Variants in STK32A observed in about 807,000 individuals in gnomAD.
STK32A encodes the protein serine/threonine kinase 32A, also known as serine/threonine-protein kinase 32A.
STK32A carries 41 observed loss-of-function variants against 53.2 expected under a neutral mutation model. The observed-to-expected ratio is 0.77, with a 90% CI of 0.60 to 1.00. The LOEUF (loss-of-function observed/expected upper bound fraction) is 1.00. Among genes scored for constraint, STK32A ranks in the 50% least tolerant of loss-of-function variants. STK32A has a pLI of 0.00. For missense variants in STK32A, 458 were observed against 485.8 expected (o/e 0.94, Z 0.54); for synonymous variants, 166 against 162.8 (o/e 1.02, Z -0.15).
intron 7 of STK32A, among the ~76,000 whole-genome samples, chr5:147,354,676 A>G (rs1756137752): frequency 6.6e-6 from 1 of 152,230 alleles, no homozygotes; most frequent in South Asian, 2.1e-4. Context: ...CTACTTTATA[A>G]TGAGAAAAAT....
At chr5:147,335,450 C>T (rs764984799) in intron 5 of STK32A, among the ~76,000 whole-genome samples, 4 of 152,174 alleles carry the variant, frequency 2.6e-5, no homozygotes, top group Non-Finnish European at 5.9e-5. Context: ...ACTCTCTTCT[C>T]TCTTTTCCAT....
At chr5:147,280,339 G>C (rs890125685) in intron 4 of STK32A, among the ~76,000 whole-genome samples, 1 of 151,182 alleles carries the variant, frequency 6.6e-6, no homozygotes, top group African/African-American at 2.4e-5. Flanking sequence ...AGCTGGGAGC[G>C]GGGAGCCTGG....
chr5:147,317,285 C>G (rs1358127760), intron 4 of STK32A, among the ~76,000 whole-genome samples: 1 of 148,420 alleles, frequency 6.7e-6, no homozygotes, highest in African/African-American at 2.5e-5. Flanking sequence ...TGTGAAAATA[C>G]TACAGCAAAC....
At chr5:147,396,731 G>A in the STK32A span, among the ~76,000 whole-genome samples, 1 of 152,044 alleles carries the variant, frequency 6.6e-6, no homozygotes, top group East Asian at 1.9e-4. Context: ...TAGAAATAAA[G>A]GGTCAATATT....
At chr5:147,401,856 T>C in the STK32A span, 1 of 752,572 alleles carries the variant, frequency 1.3e-6, no homozygotes, top group Non-Finnish European at 2.0e-6. Context: ...GCCCCTGCTT[T>C]CCTATCTGCT....
At chr5:147,286,139 T>C (rs1034336858) in intron 4 of STK32A, among the ~76,000 whole-genome samples, 2 of 152,102 alleles carry the variant, frequency 1.3e-5, no homozygotes, top group African/African-American at 2.4e-5. Context: ...CTGGATGAGA[T>C]TGGAGACTAT....
intron 11 of STK32A, among the ~76,000 whole-genome samples, chr5:147,376,232 G>C (rs1757225288): frequency 6.6e-6 from 1 of 152,116 alleles, no homozygotes; most frequent in Non-Finnish European, 1.5e-5. Context: ...TGTCCTGTTT[G>C]ATCACAGAAC....
intron 4 of STK32A, 52 bp downstream of exon 4, chr5:147,279,450 C>A: frequency 3.3e-6 from 5 of 1,507,446 alleles, no homozygotes; most frequent in Non-Finnish European, 4.5e-6. Context: ...TATCGGTGGG[C>A]TAGGGGAGGT....
At chr5:147,312,763 C>T (rs1581077056) in intron 4 of STK32A, among the ~76,000 whole-genome samples, 2 of 152,164 alleles carry the variant, frequency 1.3e-5, no homozygotes, top group East Asian at 1.9e-4. Context: ...TAGGCACTGA[C>T]GTACTGCTGG....
At chr5:147,273,400 A>C (rs1755128915) in intron 2 of STK32A, among the ~76,000 whole-genome samples, 1 of 152,202 alleles carries the variant, frequency 6.6e-6, no homozygotes, top group Non-Finnish European at 1.5e-5. Flanking sequence ...CTATAAAAAT[A>C]GTGGTTAAGA....
chr5:147,366,481 C>T (rs1250030718), intron 8 of STK32A, among the ~76,000 whole-genome samples: 1 of 152,118 alleles, frequency 6.6e-6, no homozygotes, highest in Non-Finnish European at 1.5e-5. Context: ...TTCTAGATCT[C>T]TTTATATTCA....
At chr5:147,244,782 AG>A (rs1753714371) in intron 2 of STK32A, among the ~76,000 whole-genome samples, 1 of 152,218 alleles carries the variant, frequency 6.6e-6, no homozygotes, top group African/African-American at 2.4e-5. Flanking sequence ...TGTAAAATGC[AG>A]GTAATAATTG....
chr5:147,272,550 A>G (rs1164764549), intron 2 of STK32A, among the ~76,000 whole-genome samples: 3 of 152,220 alleles, frequency 2.0e-5, no homozygotes, highest in Non-Finnish European at 1.5e-5. Context: ...GTATGCTCCT[A>G]TTGGAATGAT....
intron 4 of STK32A, among the ~76,000 whole-genome samples, chr5:147,314,791 G>A (rs1753910820): frequency 6.7e-6 from 1 of 149,250 alleles, no homozygotes; most frequent in South Asian, 2.1e-4. Context: ...AGGCTGGAGT[G>A]CAGTGTGTGT....
At chr5:147,401,140 A>G in the STK32A span, among the ~76,000 whole-genome samples, 1 of 152,174 alleles carries the variant, frequency 6.6e-6, no homozygotes, top group Admixed American at 6.5e-5. Context: ...TCTCCCTATA[A>G]TTTTGATTGT....
chr5:147,339,507 T>C (rs938552445), intron 5 of STK32A, among the ~76,000 whole-genome samples: 2 of 152,222 alleles, frequency 1.3e-5, no homozygotes, highest in African/African-American at 4.8e-5. Context: ...CACCACCTAG[T>C]GGAGCTGTGA....
At chr5:147,326,390 T>C (rs1455561289) in intron 5 of STK32A, among the ~76,000 whole-genome samples, 1 of 152,160 alleles carries the variant, frequency 6.6e-6, no homozygotes, top group Admixed American at 6.6e-5. Flanking sequence ...TAAATTGAGG[T>C]GACATCCTTC....
At chr5:147,345,359 T>G (rs892460853) in intron 6 of STK32A, among the ~76,000 whole-genome samples, 2 of 152,172 alleles carry the variant, frequency 1.3e-5, no homozygotes, top group Non-Finnish European at 2.9e-5. Context: ...AATCACTCAA[T>G]AAAAGTCTAA....
rs559537020 is a variant in STK32A, at chr5:147,384,313, TTTTTA to T, written c.*336_*340del. Reference sequence around the variant, plus strand: ...TAGTTGTTATTCTAAACCGCCTTTATTTTTATTTTAAAATTAATATATGAATATAG... The same window carrying T: ...TAGTTGTTATTCTAAACCGCCTTTATTTTTAAAATTAATATATGAATATAG... On this transcript the variant is annotated 3_prime_UTR_variant, in exon 13 of 13. Transcript: ENST00000397936. The T allele has an allele frequency of 2.5e-4, 356 of 1,424,634 alleles. No individual in the cohort carries two copies. Among genetic ancestry groups the T allele is most frequent in the Non-Finnish European group, 3.0e-4 (322 of 1,076,094 alleles). 88.2% of individuals were successfully genotyped at this position (1,424,634 alleles called of 1,614,324 possible).
Sources: gnomAD v4.1 joint callset for allele counts (sites outside exome capture counted in the v4.1 genomes callset) on GRCh38, gnomAD v4.1.1 for gene constraint, MANE v1.5 for transcripts, NCBI Gene and HGNC (gene_info 2026-07-23, HGNC 2026-07-21) for gene names.